The following CDH1 variants were observed in gnomAD, a reference collection of about 807,000 sequenced individuals.
The protein encoded by CDH1 is cadherin 1, also known as cadherin-1.
CDH1 carries 35 observed loss-of-function variants against 84.5 expected under a neutral mutation model. That is an observed-to-expected ratio of 0.41 (90% CI 0.32 to 0.55). CDH1 has a LOEUF of 0.55. Ranked by LOEUF, CDH1 falls within the 20% of genes least tolerant of loss-of-function variation. The probability of loss-of-function intolerance (pLI) is 0.19; values close to 1 mark genes in which losing one functional copy is unlikely to be tolerated. For missense variants in CDH1, 994 were observed against 1,126.6 expected (o/e 0.88, Z 1.68); for synonymous variants, 417 against 439.0 (o/e 0.95, Z 0.63).
At chr16:68,775,715 G>T (rs992379236) in intron 2 of CDH1, among the ~76,000 whole-genome samples, 1 of 152,302 alleles carries the variant, frequency 6.6e-6, no homozygotes, top group African/African-American at 2.4e-5. Context: ...CATCTGAAGC[G>T]TCTAAGATAA....
chr16:68,751,642 A>G (rs1962885403), intron 2 of CDH1, among the ~76,000 whole-genome samples: 1 of 151,622 alleles, frequency 6.6e-6, no homozygotes, highest in Non-Finnish European at 1.5e-5. Context: ...AGCTGGGGTT[A>G]GAGGCATGGG....
At chr16:68,773,842 G>C (rs975392410) in intron 2 of CDH1, among the ~76,000 whole-genome samples, 2 of 152,230 alleles carry the variant, frequency 1.3e-5, no homozygotes, top group Non-Finnish European at 2.9e-5. Context: ...TGAGAAACAA[G>C]TTATGTGGAC....
intron 10 of CDH1, 75 bp downstream of exon 10, chr16:68,815,834 T>C: frequency 1.3e-6 from 2 of 1,518,950 alleles, no homozygotes; most frequent in Non-Finnish European, 1.8e-6. Context: ...ATCAATAATA[T>C]GTACTTCATG....
chr16:68,745,351 G>C (rs914350915), intron 2 of CDH1, among the ~76,000 whole-genome samples: 1 of 150,118 alleles, frequency 6.7e-6, no homozygotes, highest in African/African-American at 2.4e-5. Flanking sequence ...GCCAGGTATG[G>C]TGGCGTGCAC....
chr16:68,810,111 G>T (rs1256423874), intron 5 of CDH1, 86 bp from the exon 6 acceptor site: 2 of 1,433,904 alleles, frequency 1.4e-6, no homozygotes, highest in East Asian at 2.3e-5. Context: ...TGGCAGCCAG[G>T]GGGGCGCACT....
At chr16:68,822,671 A>C in intron 12 of CDH1, 1 of 341,314 alleles carries the variant, frequency 2.9e-6, no homozygotes. Flanking sequence ...GGCTTCCTAC[A>C]CCTACTTCTC....
intron 3 of CDH1, among the ~76,000 whole-genome samples, chr16:68,803,934 G>T (rs546783944): frequency 6.6e-6 from 1 of 151,684 alleles, no homozygotes; most frequent in Non-Finnish European, 1.5e-5. Context: ...TTTTTGCTCC[G>T]CCATCCTCAG....
At chr16:68,823,813 T>G (rs1202266632) in intron 13 of CDH1, among the ~76,000 whole-genome samples, 187 bp downstream of exon 13, 1 of 152,036 alleles carries the variant, frequency 6.6e-6, no homozygotes, top group East Asian at 1.9e-4. Flanking sequence ...CAGAGGTAAA[T>G]GGTCTAAGAT....
intron 9 of CDH1, among the ~76,000 whole-genome samples, chr16:68,814,988 G>A (rs1275120463): frequency 6.6e-6 from 1 of 151,840 alleles, no homozygotes; most frequent in Non-Finnish European, 1.5e-5. Flanking sequence ...CACTTTGGGA[G>A]GCCAAGGCGG....
At chr16:68,824,395 G>A (rs780611520) in intron 13 of CDH1, among the ~76,000 whole-genome samples, 13 of 152,248 alleles carry the variant, frequency 8.5e-5, no homozygotes, top group Admixed American at 1.3e-4. Flanking sequence ...CCTCATCAGC[G>A]TGGTCTAAGC....
intron 11 of CDH1, 63 bp from the exon 12 acceptor site, chr16:68,821,938 G>A: frequency 7.7e-7 from 1 of 1,292,882 alleles, no homozygotes; most frequent in South Asian, 1.2e-5. Flanking sequence ...TTGGTCTGGT[G>A]GAAGGCAATG....
intron 2 of CDH1, among the ~76,000 whole-genome samples, chr16:68,795,867 A>T (rs1419602771): frequency 6.6e-6 from 1 of 151,972 alleles, no homozygotes; most frequent in African/African-American, 2.4e-5. Flanking sequence ...TGGTCTTTGA[A>T]TAAAGCTAAA....
At chr16:68,747,750 T>TTCTCTCTC (rs10638856) in intron 2 of CDH1, among the ~76,000 whole-genome samples, 12 of 150,828 alleles carry the variant, frequency 8.0e-5, no homozygotes, top group African/African-American at 2.4e-4. Context: ...TATCTGTATG[T>TTCTCTCTC]TCTCTCTCTC....
intron 13 of CDH1, among the ~76,000 whole-genome samples, chr16:68,826,094 A>G (rs1961316115): frequency 6.6e-6 from 1 of 152,080 alleles, no homozygotes. Flanking sequence ...TGTTGGGATT[A>G]TAGGCATGAG....
chr16:68,811,576 AC>A (rs1960830450), intron 6 of CDH1, 107 bp from the exon 7 acceptor site: 3 of 949,270 alleles, frequency 3.2e-6, no homozygotes, highest in Non-Finnish European at 1.7e-6. Context: ...ACACGGTACC[AC>A]CCCCATGTCC....
chr16:68,785,882 T>TA, intron 2 of CDH1, among the ~76,000 whole-genome samples: 1 of 152,240 alleles, frequency 6.6e-6, no homozygotes, highest in Non-Finnish European at 1.5e-5. Flanking sequence ...ACCTTTTACA[T>TA]ACGTCATTTT....
At chr16:68,821,027 A>G (rs1381082201) in intron 11 of CDH1, among the ~76,000 whole-genome samples, 1 of 152,188 alleles carries the variant, frequency 6.6e-6, no homozygotes, top group Non-Finnish European at 1.5e-5. Flanking sequence ...CAGTCATGCC[A>G]TCTAGACATA....
At chr16:68,814,847 G>C (rs1369690902) in intron 9 of CDH1, among the ~76,000 whole-genome samples, 1 of 151,684 alleles carries the variant, frequency 6.6e-6, no homozygotes, top group Admixed American at 6.6e-5. Context: ...TTGAGCCCAG[G>C]GGGTTGAAGC....
At chr16:68,807,793 A>G (rs566564728) in intron 3 of CDH1, among the ~76,000 whole-genome samples, 35 of 152,166 alleles carry the variant, frequency 2.3e-4, no homozygotes, top group Non-Finnish European at 4.0e-4. Context: ...TAAAAATTAT[A>G]TTATGGGCTG....
Sources: allele counts gnomAD v4.1 joint callset (sites outside exome capture counted in the v4.1 genomes callset), GRCh38; gene constraint gnomAD v4.1.1; transcripts MANE v1.5; gene names NCBI Gene and HGNC (gene_info 2026-07-23, HGNC 2026-07-21).